Variants in BTBD8 observed in about 807,000 individuals in gnomAD.
BTBD8 encodes BTB/POZ domain-containing protein 8.
Under a neutral mutation model 162.9 loss-of-function variants are expected in BTBD8, and 110 were observed. That is an observed-to-expected ratio of 0.68 (90% confidence interval 0.58 to 0.79). BTBD8 has a LOEUF of 0.79. BTBD8 is among the 30% of genes least tolerant of loss of function. BTBD8 has a pLI of 0.00. For missense variants in BTBD8, 1,905 were observed against 2,085.4 expected (o/e 0.91, Z 1.68); for synonymous variants, 667 against 716.1 (o/e 0.93, Z 1.10).
rs143887438 is a variant in BTBD8, at chr1:92,128,977, C to G, written c.663-710C>G. Among the ~76,000 whole-genome samples, 13 of 151,700 alleles carry G rather than the reference C, an allele frequency of 8.6e-5. No individual in the cohort carries two copies. The East Asian group carries it at 2.5e-3, about 30-fold the overall frequency. On this transcript the variant is annotated intron_variant, in intron 4 of 17. Coordinates refer to ENST00000636805, the MANE Select transcript of BTBD8 (RefSeq NM_001376131.1). ...TTGTTACTAAGTATGAAGTGTAAATCTGGGAAAGAGCCTTGATTTACACTT... is the reference window on the plus strand; with the variant it reads ...TTGTTACTAAGTATGAAGTGTAAATGTGGGAAAGAGCCTTGATTTACACTT...
chr1:92,081,385 T>C (rs1648009004), intron 1 of BTBD8, among the ~76,000 whole-genome samples: 1 of 152,188 alleles, frequency 6.6e-6, no homozygotes, highest in African/African-American at 2.4e-5. Flanking sequence ...TACAAAGAAA[T>C]TGAAGCTTAG....
Position 92,088,703 on chromosome 1 carries a change from T to C in BTBD8, c.155T>C (p.Leu52Pro). 1.3e-6 allele frequency: 2 copies of C among 1,589,786 alleles called. No individual in the cohort carries two copies. Among genetic ancestry groups the C allele is most frequent in the Non-Finnish European group, 1.7e-6 (2 of 1,169,100 alleles). ...EQLSQDLLRL[L>P]REEFHTDVTF... ...TTCCTTTTTATTCCTTATAGGCTTC[T>C]AAGGGAAGAATTCCATACAGATGTT... Residue 52 changes from leucine to proline, a missense_variant, in exon 2 of 18, where the codon CTA (leucine) becomes CCA (proline). Leu to Pro is a moderately conservative substitution (Grantham distance 98). Around this residue, in one of 3 missense-constraint regions of BTBD8, gnomAD observed 1,374 missense variants for 1,442.7 expected, o/e 0.95. Coordinates refer to ENST00000636805, the MANE Select transcript of BTBD8 (RefSeq NM_001376131.1).
intron 1 of BTBD8, among the ~76,000 whole-genome samples, chr1:92,084,626 A>G (rs1648104607): frequency 6.6e-6 from 1 of 152,160 alleles, no homozygotes. Flanking sequence ...ACTGGACTGT[A>G]GGTAAGGTGG....
At chr1:92,107,328 A>G (rs1648760102) in intron 3 of BTBD8, among the ~76,000 whole-genome samples, 1 of 152,298 alleles carries the variant, frequency 6.6e-6, no homozygotes, top group African/African-American at 2.4e-5. Context: ...GTGTACAGTC[A>G]TGTGCTGCAT....
At chr1:92,131,050 A>T (rs1169434820) in intron 5 of BTBD8, among the ~76,000 whole-genome samples, 1 of 152,234 alleles carries the variant, frequency 6.6e-6, no homozygotes, top group African/African-American at 2.4e-5. Flanking sequence ...AGGAAGGGAT[A>T]TTACAAAATC....
At chr1:92,136,705 A>G (rs562466503) in intron 5 of BTBD8, among the ~76,000 whole-genome samples, 42 of 152,356 alleles carry the variant, frequency 2.8e-4, no homozygotes, top group African/African-American at 9.9e-4. Flanking sequence ...TGTGTAGTAT[A>G]CTGCTTCAGA....
Position 92,125,634 on chromosome 1 carries a change from A to G in BTBD8, c.663-4053A>G, listed in dbSNP as rs147476577. ...AAGTCTACATGGAGGAAGATGCCAC[A>G]TCATATGTTAGAAAGATTATACCAA... On this transcript the variant is annotated intron_variant, in intron 4 of 17. Coordinates refer to ENST00000636805, the MANE Select transcript of BTBD8 (RefSeq NM_001376131.1). 859 of 294,010 alleles carry G rather than the reference A, an allele frequency of 2.9e-3. 6 individuals carry two copies. Among genetic ancestry groups the G allele is most frequent in the Middle Eastern group, 6.1e-3 (5 of 818 alleles). 18.2% of individuals were successfully genotyped at this position (294,010 alleles called of 1,614,324 possible).
chr1:92,119,632 C>CTT (rs147430647), intron 4 of BTBD8, among the ~76,000 whole-genome samples: 103 of 141,978 alleles, frequency 7.3e-4, no homozygotes, highest in South Asian at 6.0e-3. Context: ...TTTCTTTTTT[C>CTT]TTTTTTTTTT....
rs1234596783 is a variant in BTBD8, at chr1:92,083,988, A to G, written c.149+3268A>G. 2.0e-5 allele frequency among the ~76,000 whole-genome samples: 3 copies of G among 152,238 alleles called. No individual in the cohort carries two copies. In the East Asian group the frequency reaches 5.8e-4, roughly 29 times the overall value. On this transcript the variant is annotated intron_variant, in intron 1 of 17. Coordinates refer to ENST00000636805, the MANE Select transcript of BTBD8 (RefSeq NM_001376131.1). ...ATGTCCAGCAAGCTATATCCAGGAA[A>G]CAACTGGAAATATGTCTGGAGTAGA...
At chr1:92,092,952 T>C (rs190861023) in intron 2 of BTBD8, among the ~76,000 whole-genome samples, 2 of 152,296 alleles carry the variant, frequency 1.3e-5, no homozygotes, top group Non-Finnish European at 2.9e-5. Context: ...GTGATTGGCT[T>C]ATTCATTTTA....
chr1:92,105,165 C>A (rs1648694249), intron 3 of BTBD8, among the ~76,000 whole-genome samples: 2 of 152,140 alleles, frequency 1.3e-5, no homozygotes, highest in Admixed American at 1.3e-4. Context: ...ATCTCCTGAC[C>A]TTGTGATCCG....
At chr1:92,130,179 G>GT (rs1176015633) in intron 5 of BTBD8, among the ~76,000 whole-genome samples, 3 of 151,956 alleles carry the variant, frequency 2.0e-5, no homozygotes, top group Non-Finnish European at 2.9e-5. Context: ...GAGTTTTATG[G>GT]TATTTCTTCT....
intron 3 of BTBD8, 43 bp from the exon 4 acceptor site, chr1:92,107,841 G>A (rs745575136): frequency 1.3e-6 from 2 of 1,498,922 alleles, no homozygotes; most frequent in Non-Finnish European, 1.8e-6. Flanking sequence ...TTGGACGTTT[G>A]TAATATTAAA....
chr1:92,118,253 C>T (rs1257822673), intron 4 of BTBD8, among the ~76,000 whole-genome samples: 1 of 148,620 alleles, frequency 6.7e-6, no homozygotes, highest in African/African-American at 2.5e-5. Context: ...CCTTAGGCTC[C>T]TCTTGGCTGT....
chr1:92,165,119 C>CA (rs779526131), intron 9 of BTBD8, among the ~76,000 whole-genome samples: 1,417 of 101,244 alleles, frequency 0.014, 16 homozygotes, highest in East Asian at 0.032. Context: ...AGACTTGTGT[C>CA]AAAAAAAAAA....
chr1:92,091,045 A>T (rs1057287387), intron 2 of BTBD8, among the ~76,000 whole-genome samples: 8 of 152,116 alleles, frequency 5.3e-5, no homozygotes, highest in Non-Finnish European at 1.5e-5. Flanking sequence ...TTGAAGATTT[A>T]CTCATTAATA....
chr1:92,104,732 C>T (rs1461212796), intron 3 of BTBD8, among the ~76,000 whole-genome samples: 1 of 152,100 alleles, frequency 6.6e-6, no homozygotes, highest in Admixed American at 6.6e-5. Flanking sequence ...CTTTTTGCAG[C>T]CTTTCATACT....
At chr1:92,102,271 G>A (rs1418848408) in intron 2 of BTBD8, among the ~76,000 whole-genome samples, 2 of 151,982 alleles carry the variant, frequency 1.3e-5, no homozygotes, top group Non-Finnish European at 1.5e-5. Context: ...TCCCCACCTC[G>A]GCCTCCCAAA....
rs747468016 is a variant in BTBD8 at position 92,080,586 on chromosome 1, G to A, written c.15G>A (p.Gly5=). 6 of 1,613,910 alleles carry A rather than the reference G, an allele frequency of 3.7e-6. No homozygotes were observed. The African/African-American group carries it at 4.0e-5, about 11-fold the overall frequency. ...CTCTGTGAGACATGGCTCGCTGTGG[G>A]GAAGGCAGTGCGGCCCCCATGGTAC... MARC[G]EGSAAPMVLL... The change falls in exon 1 of 18, where the codon GGG becomes GGA. Residue 5 remains glycine, a synonymous_variant. Transcript: ENST00000636805.
Sources: gnomAD v4.1 joint callset for allele counts (sites outside exome capture counted in the v4.1 genomes callset) on GRCh38, gnomAD v4.1.1 for gene constraint, gnomAD v4.1.1 regional missense constraint, MANE v1.5 for transcripts, NCBI Gene and HGNC (gene_info 2026-07-23, HGNC 2026-07-21) for gene names.